TRAPPC2: variants seen among roughly 807,000 people sequenced by gnomAD.
TRAPPC2 encodes sedlin.
In TRAPPC2, 4 loss-of-function variants were observed where a neutral mutation model predicts 10.0. That is an observed-to-expected ratio of 0.40 (90% CI 0.20 to 0.92). The LOEUF is 0.92. Ranked by LOEUF, TRAPPC2 falls within the 40% of genes least tolerant of loss-of-function variation. The probability of loss-of-function intolerance (pLI) is 0.35; values close to 1 mark genes in which losing one functional copy is unlikely to be tolerated. For missense variants in TRAPPC2, 52 were observed against 108.7 expected (o/e 0.48, Z 2.32); for synonymous variants, 36 against 37.3 (o/e 0.97, Z 0.12).
chrX:13,727,867 A>G (rs183752833), intron 2 of TRAPPC2, among the ~76,000 whole-genome samples: 22 of 112,018 alleles, frequency 2.0e-4, no homozygotes, highest in African/African-American at 6.8e-4. Flanking sequence ...ACTAATAAAG[A>G]AGAAAACAGA....
At chrX:13,719,346 C>A (rs1475430874) in intron 3 of TRAPPC2, among the ~76,000 whole-genome samples, 1 of 110,736 alleles carries the variant, frequency 9.0e-6, no homozygotes, top group African/African-American at 3.3e-5. Context: ...GGTGGTATCA[C>A]CTCTGGTGCT....
At chrX:13,732,177 CT>C (rs2046689786) in intron 2 of TRAPPC2, among the ~76,000 whole-genome samples, 2 of 111,702 alleles carry the variant, frequency 1.8e-5, no homozygotes, top group African/African-American at 3.3e-5. Flanking sequence ...ATATTATCAT[CT>C]TTGGGGAAGG....
intron 3 of TRAPPC2, 97 bp from the exon 4 acceptor site, chrX:13,716,775 G>A: frequency 3.1e-6 from 3 of 963,013 alleles, no homozygotes; most frequent in Non-Finnish European, 4.3e-6. Context: ...GTTTTCTTGT[G>A]GGGAAAAAAC....
intron 2 of TRAPPC2, among the ~76,000 whole-genome samples, chrX:13,726,573 C>G (rs2046555205): frequency 9.0e-6 from 1 of 111,617 alleles, no homozygotes; most frequent in Non-Finnish European, 1.9e-5. Flanking sequence ...TTTGTCACCA[C>G]CAGGCCTGCC....
At chrX:13,719,591 G>T (rs2046365525) in intron 3 of TRAPPC2, among the ~76,000 whole-genome samples, 1 of 112,083 alleles carries the variant, frequency 8.9e-6, no homozygotes, top group Admixed American at 9.5e-5. Flanking sequence ...CACTACAGGT[G>T]AACTATGTCT....
chrX:13,732,164 A>C (rs977482538), intron 2 of TRAPPC2, among the ~76,000 whole-genome samples: 9 of 112,026 alleles, frequency 8.0e-5, no homozygotes, highest in Non-Finnish European at 1.5e-4. Context: ...GTCCTCTTCA[A>C]TAATATTATC....
In TRAPPC2 at chrX:13,716,067, A is replaced by G. The variant is rs774476518; in HGVS notation, c.261T>C (p.His87=). ...TAGHMRFIML[H]DIRQEDGIKN... is the part of the protein sequence containing the mutation. ...TTATTCCATCTTCTTGTCTTATGTC[A>G]TGAAGCATAATAAACCTCATATGTG... Residue 87 remains histidine, a synonymous_variant, in exon 5 of 6, where the codon CAT becomes CAC. Coordinates refer to ENST00000380579, the MANE Select transcript of TRAPPC2 (RefSeq NM_001011658.4). 36 of 1,190,993 alleles carry G rather than the reference A, an allele frequency of 3.0e-5. No homozygotes were observed. The highest frequency in any genetic ancestry group is 4.1e-5 in the Non-Finnish European group (36 of 882,562).
rs2046251760 is a variant in TRAPPC2 at position 13,714,049 on chromosome X, A to C, written c.*358T>G. 1.8e-5 allele frequency: 2 copies of C among 108,899 alleles called. No individual in the cohort carries two copies. The highest frequency in any genetic ancestry group is 2.0e-4 in the Admixed American group (2 of 9,895). 9.0% of individuals were successfully genotyped at this position (108,899 alleles called of 1,213,427 possible). A position where few individuals can be genotyped will look rare whatever the true frequency, so the allele number is the denominator to read the frequency against. ...GTCCCAGCTACTTGGAGGCTGAGGCAGGAGAATCGCCTGAACCTGGGAGGC... is the reference window on the plus strand; with the variant it reads ...GTCCCAGCTACTTGGAGGCTGAGGCCGGAGAATCGCCTGAACCTGGGAGGC... On this transcript the variant is annotated 3_prime_UTR_variant, in exon 6 of 6. Transcript: ENST00000380579.
intron 5 of TRAPPC2, 179 bp downstream of exon 5, chrX:13,715,825 C>A: frequency 1.0e-6 from 1 of 970,908 alleles, no homozygotes; most frequent in Non-Finnish European, 1.3e-6. Context: ...TTCCTAAATA[C>A]ATATTCACCT....
intron 2 of TRAPPC2, among the ~76,000 whole-genome samples, chrX:13,726,072 A>C (rs748834453): frequency 9.3e-6 from 1 of 107,286 alleles, no homozygotes; most frequent in Non-Finnish European, 1.9e-5. Flanking sequence ...AAGAATAAAA[A>C]GAAACGAACA....
chrX:13,716,440 C>G, intron 4 of TRAPPC2, 94 bp downstream of exon 4: 1 of 1,075,382 alleles, frequency 9.3e-7, no homozygotes, highest in Non-Finnish European at 1.3e-6. Context: ...ACTGTGAAGT[C>G]TACAGACTCA....
chrX:13,715,488 T>C, intron 5 of TRAPPC2: 1 of 115,130 alleles, frequency 8.7e-6, no homozygotes, highest in South Asian at 3.4e-4. Flanking sequence ...AAACATACTA[T>C]TGTTATCACT....
At chrX:13,732,389 C>T (rs1321459411) in intron 2 of TRAPPC2, among the ~76,000 whole-genome samples, 1 of 112,035 alleles carries the variant, frequency 8.9e-6, no homozygotes, top group East Asian at 2.8e-4. Flanking sequence ...TCTTTAAATA[C>T]GATAAGCTAT....
In TRAPPC2 at chrX:13,729,811, A is replaced by G. The variant is rs143602797; in HGVS notation, c.-20+4233T>C. On this transcript the variant is annotated intron_variant, in intron 2 of 5. Coordinates refer to ENST00000380579, the MANE Select transcript of TRAPPC2 (RefSeq NM_001011658.4). ...TAATCCCTGCTACTCGGGAGGCAGA[A>G]GCAGAAGAATTGCTTGAATCCAAGA... Among the ~76,000 whole-genome samples, 757 of 111,907 alleles carry G rather than the reference A, an allele frequency of 6.8e-3. 4 individuals are homozygous for G. The highest frequency in any genetic ancestry group is 0.024 in the African/African-American group (723 of 30,748).
rs769419659 is a variant in TRAPPC2 at position 13,732,604 on chromosome X, TG to T, written c.-20+1439del. 5.3e-5 allele frequency among the ~76,000 whole-genome samples: 6 copies of T among 112,554 alleles called. No individual in the cohort carries two copies. The East Asian group carries it at 1.7e-3, about 31-fold the overall frequency. On this transcript the variant is annotated intron_variant, in intron 2 of 5. Transcript: ENST00000380579. ...AGTACCTACAGGAGGGCCAAGTATT[TG>T]CTGACTCTGGACTACACAGACTTAT...
In TRAPPC2 at chrX:13,719,941, A is replaced by G; in HGVS notation, c.23T>C (p.Val8Ala). 1.7e-6 allele frequency: 2 copies of G among 1,199,380 alleles called. No individual in the cohort carries two copies. The highest frequency in any genetic ancestry group is 1.9e-5 in the South Asian group (1 of 53,678). Reference protein sequence around the residue: MSGSFYFVIVGHHDNPVF... With the variant: MSGSFYFAIVGHHDNPVF... ...TGGATTATCATGGTGGCCAACAATTACAAAGTAGAAGCTCCCAGACATGGT... is the reference window on the plus strand; with the variant it reads ...TGGATTATCATGGTGGCCAACAATTGCAAAGTAGAAGCTCCCAGACATGGT... The change falls in exon 3 of 6, where the codon GTA becomes GCA. Residue 8 changes from valine (V) to alanine (A), a missense_variant. By Grantham distance (64) the Val-to-Ala change is moderately conservative. Coordinates refer to ENST00000380579, the MANE Select transcript of TRAPPC2 (RefSeq NM_001011658.4).
intron 2 of TRAPPC2, among the ~76,000 whole-genome samples, chrX:13,723,684 G>C (rs969540946): frequency 1.8e-5 from 2 of 111,273 alleles, no homozygotes; most frequent in African/African-American, 6.5e-5. Context: ...GCTTGGCCCA[G>C]AGGTGTTGAG....
rs773141571 is a variant in TRAPPC2, at chrX:13,719,891, C to CT, written c.72dup (p.Ala25SerfsTer27). ...CGTACTTTGGATTCTGCCTTCCCAG[C>CT]TGGCAAAAACTCCATTTCAAAAACT... On this transcript the variant is annotated frameshift_variant, in exon 3 of 6. Coordinates refer to ENST00000380579, the MANE Select transcript of TRAPPC2 (RefSeq NM_001011658.4). LOFTEE classifies it high-confidence loss of function. 8.3e-7 allele frequency: 1 copy of CT among 1,199,211 alleles called. No homozygotes were observed. The highest frequency in any genetic ancestry group is 1.1e-6 in the Non-Finnish European group (1 of 888,888).
Position 13,718,922 on chromosome X carries a change from G to A in TRAPPC2, c.93+949C>T, listed in dbSNP as rs775150346. On this transcript the variant is annotated intron_variant, in intron 3 of 5. Coordinates refer to ENST00000380579, the MANE Select transcript of TRAPPC2 (RefSeq NM_001011658.4). ...TGCAATCCCAGCACTTTGGGAGGCC[G>A]AGGGCAGGCAGACCACCTGAGGTCA... Among the ~76,000 whole-genome samples the A allele has an allele frequency of 5.4e-5, 6 of 111,181 alleles. No individual in the cohort carries two copies. The South Asian group carries it at 2.3e-3, about 42-fold the overall frequency.
Sources: gnomAD v4.1 joint callset for allele counts (sites outside exome capture counted in the v4.1 genomes callset) on GRCh38, gnomAD v4.1.1 for gene constraint, MANE v1.5 for transcripts, NCBI Gene and HGNC (gene_info 2026-07-23, HGNC 2026-07-21) for gene names.